ADCY5: variants seen among roughly 807,000 people sequenced by gnomAD.
The protein encoded by ADCY5 is adenylate cyclase 5, also known as adenylate cyclase type 5.
Under a neutral mutation model 119.7 loss-of-function variants are expected in ADCY5, and 30 were observed. The ratio of observed to expected loss-of-function variants is 0.25; its 90% CI spans 0.19 to 0.34. The LOEUF (loss-of-function observed/expected upper bound fraction) is 0.34, where lower values mean the gene tolerates loss of function less well. Ranked by LOEUF, ADCY5 falls within the 10% of genes least tolerant of loss-of-function variation. The pLI is 1.00. For missense variants in ADCY5, 1,324 were observed against 1,775.2 expected, an observed-to-expected ratio of 0.75 and a Z score of 4.57; for synonymous variants, 753 against 762.2, an observed-to-expected ratio of 0.99 and a Z score of 0.20.
At chr3:123,338,600 T>C (rs1942134087) in intron 3 of ADCY5, among the ~76,000 whole-genome samples, 1 of 152,218 alleles carries the variant, frequency 6.6e-6, no homozygotes, top group Non-Finnish European at 1.5e-5. Context: ...GAGCTCCTCT[T>C]GGGAACAGGA....
Position 123,325,327 on chromosome 3 carries a change from G to A in ADCY5, c.2083C>T (p.Arg695Trp), listed in dbSNP as rs1057520218. Residue 695 changes from arginine (R) to tryptophan (W), a missense_variant, in exon 8 of 21, where the codon CGG (arginine) becomes TGG (tryptophan). Arg to Trp is a moderately radical substitution (Grantham distance 101). Coordinates refer to ENST00000462833, the MANE Select transcript of ADCY5 (RefSeq NM_183357.3). ...GGNQVSKEMK[R>W]MGFEDPKDKN... ...CTGCCCCACCAGCCACTCACCATCC[G>A]CTTCATCTCCTTGGACACCTGGTTG... The A allele has an allele frequency of 6.2e-7, 1 of 1,614,064 alleles. No homozygotes were observed. Among genetic ancestry groups the A allele is most frequent in the East Asian group, 2.2e-5 (1 of 44,852 alleles).
chr3:123,440,835 G>A (rs944322158), intron 1 of ADCY5, among the ~76,000 whole-genome samples: 2 of 152,194 alleles, frequency 1.3e-5, no homozygotes, highest in African/African-American at 2.4e-5. Context: ...GGATTGGGGC[G>A]AGGGGGCAAG....
chr3:123,301,335 G>T (rs1939837877), intron 14 of ADCY5, among the ~76,000 whole-genome samples: 1 of 152,200 alleles, frequency 6.6e-6, no homozygotes. Flanking sequence ...ACTGCCAAGG[G>T]CCCCTGGGTG....
intron 8 of ADCY5, among the ~76,000 whole-genome samples, chr3:123,324,431 C>T (rs1025116516): frequency 1.0e-5 from 1 of 96,894 alleles, no homozygotes; most frequent in Non-Finnish European, 2.1e-5. Context: ...CACACACACA[C>T]ACACACACAC....
intron 17 of ADCY5, among the ~76,000 whole-genome samples, chr3:123,294,663 G>A (rs1036307390): frequency 2.0e-5 from 3 of 152,168 alleles, no homozygotes; most frequent in African/African-American, 7.2e-5. Flanking sequence ...CTGCAGACTG[G>A]AACAGCTCGA....
At chr3:123,396,960 G>A (rs747631782) in intron 1 of ADCY5, among the ~76,000 whole-genome samples, 88 of 152,106 alleles carry the variant, frequency 5.8e-4, no homozygotes, top group Non-Finnish European at 1.1e-3. Context: ...TGACTTTGGG[G>A]AAACTTCTGT....
At chr3:123,343,966 G>A (rs544464871) in intron 3 of ADCY5, among the ~76,000 whole-genome samples, 161 of 152,322 alleles carry the variant, frequency 1.1e-3, no homozygotes, top group African/African-American at 3.7e-3. Flanking sequence ...GTCTGCCCAC[G>A]GCCAGTGGTG....
chr3:123,387,619 T>C (rs1012807859), intron 1 of ADCY5, among the ~76,000 whole-genome samples: 2 of 152,170 alleles, frequency 1.3e-5, no homozygotes, highest in East Asian at 1.9e-4. Context: ...AGCCCAGTCA[T>C]AGACAAACAT....
intron 1 of ADCY5, among the ~76,000 whole-genome samples, chr3:123,379,621 T>C (rs547514155): frequency 2.7e-5 from 4 of 147,410 alleles, no homozygotes; most frequent in Non-Finnish European, 6.0e-5. Flanking sequence ...GAGAAGGGGG[T>C]GGGTGAGGCA....
intron 13 of ADCY5, 73 bp downstream of exon 13, chr3:123,303,994 G>A: frequency 1.9e-6 from 2 of 1,076,618 alleles, no homozygotes; most frequent in South Asian, 1.3e-5. Context: ...AGGCCTGCTT[G>A]TCGGGTACAT....
chr3:123,330,871 CG>C lies in ADCY5; in HGVS notation c.1646+17del. ...CAGTCCCAGGGAGGGAGACGGTACC[CG>C]GGGGGTGGACACTTACGAGATGGCC... On this transcript the variant is annotated intron_variant, in intron 5 of 20. Coordinates refer to ENST00000462833, the MANE Select transcript of ADCY5 (RefSeq NM_183357.3). 5 of 1,601,718 alleles carry C rather than the reference CG, an allele frequency of 3.1e-6. No homozygotes were observed. Among genetic ancestry groups the C allele is most frequent in the Non-Finnish European group, 4.3e-6 (5 of 1,173,920 alleles).
At chr3:123,387,903 A>G (rs1206577546) in intron 1 of ADCY5, among the ~76,000 whole-genome samples, 1 of 152,206 alleles carries the variant, frequency 6.6e-6, no homozygotes, top group Non-Finnish European at 1.5e-5. Context: ...AAAGGAAAGG[A>G]AAGAGTCCAT....
At chr3:123,297,052 C>T in intron 16 of ADCY5, 1 of 1,535,972 alleles carries the variant, frequency 6.5e-7, no homozygotes, top group Non-Finnish European at 8.7e-7. Flanking sequence ...CTCACACAGG[C>T]TCCTGGGGAA....
chr3:123,369,783 T>G (rs1254845356), intron 1 of ADCY5, among the ~76,000 whole-genome samples: 1 of 152,136 alleles, frequency 6.6e-6, no homozygotes, highest in Non-Finnish European at 1.5e-5. Flanking sequence ...TCTTTCTATG[T>G]AAAATGGGAG....
chr3:123,429,807 A>G (rs1945486842), intron 1 of ADCY5, among the ~76,000 whole-genome samples: 1 of 152,108 alleles, frequency 6.6e-6, no homozygotes, highest in South Asian at 2.1e-4. Flanking sequence ...TGAAAAAACC[A>G]AGACTCTGAG....
At chr3:123,319,841 G>A (rs752908334) in intron 9 of ADCY5, 23 bp from the exon 10 acceptor site, 26 of 1,608,988 alleles carry the variant, frequency 1.6e-5, no homozygotes, top group Admixed American at 1.0e-4. Context: ...AGGCACGGGC[G>A]TGAGACAGGC....
At chr3:123,312,512 C>A (rs1385957441) in intron 12 of ADCY5, among the ~76,000 whole-genome samples, 1 of 152,192 alleles carries the variant, frequency 6.6e-6, no homozygotes. Flanking sequence ...CCTTTCATCA[C>A]CCCAAACAGA....
chr3:123,443,914 C>T (rs1486733220), intron 1 of ADCY5, among the ~76,000 whole-genome samples: 1 of 152,176 alleles, frequency 6.6e-6, no homozygotes, highest in Admixed American at 6.5e-5. Flanking sequence ...AGAGTCCAGA[C>T]CATAGAGCTG....
At chr3:123,436,028 C>G (rs1945608588) in intron 1 of ADCY5, among the ~76,000 whole-genome samples, 1 of 150,746 alleles carries the variant, frequency 6.6e-6, no homozygotes. Context: ...GTAGCTGGGA[C>G]TACAGGTGCG....
Sources: allele counts gnomAD v4.1 joint callset (sites outside exome capture counted in the v4.1 genomes callset), GRCh38; gene constraint gnomAD v4.1.1; transcripts MANE v1.5; gene names NCBI Gene and HGNC (gene_info 2026-07-23, HGNC 2026-07-21).